ELSPBP1: variants seen among roughly 807,000 people sequenced by gnomAD.
ELSPBP1 encodes epididymal sperm-binding protein 1.
A neutral mutation model predicts 33.3 loss-of-function variants in ELSPBP1; 38 were observed. The observed-to-expected ratio is 1.14, with a 90% CI of 0.88 to 1.50. The LOEUF (loss-of-function observed/expected upper bound fraction) is 1.50, where lower values mean the gene tolerates loss of function less well. ELSPBP1 is among the 40% of genes most tolerant of loss of function. ELSPBP1 has a pLI of 0.00. For synonymous variants in ELSPBP1, 85 were observed against 94.1 expected (o/e 0.90, Z 0.56); for missense variants, 267 against 263.5 (o/e 1.01, Z -0.09).
At chr19:48,022,020 T>C (rs1967205753) in intron 5 of ELSPBP1, 150 bp from the exon 6 acceptor site, 1 of 679,912 alleles carries the variant, frequency 1.5e-6, no homozygotes, top group African/African-American at 1.8e-5. Context: ...TGAGCTGGGA[T>C]TAAATGCGCG....
chr19:47,997,209 A>G (rs1362194789), intron 1 of ELSPBP1, among the ~76,000 whole-genome samples: 1 of 152,232 alleles, frequency 6.6e-6, no homozygotes, highest in East Asian at 1.9e-4. Context: ...TGGTAAGTCA[A>G]TAACTACCTC....
chr19:47,997,861 T>C (rs1438114923), intron 1 of ELSPBP1, among the ~76,000 whole-genome samples: 4 of 152,246 alleles, frequency 2.6e-5, no homozygotes, highest in Non-Finnish European at 5.9e-5. Context: ...TTTAAAGACA[T>C]AAGTCACACA....
intron 3 of ELSPBP1, among the ~76,000 whole-genome samples, chr19:48,014,953 G>A (rs1049368569): frequency 3.3e-5 from 5 of 152,096 alleles, no homozygotes; most frequent in African/African-American, 7.2e-5. Flanking sequence ...AAAAGGAAAC[G>A]AAGTGTAAGA....
At chr19:48,024,304 T>A (rs1600115365) in intron 6 of ELSPBP1, among the ~76,000 whole-genome samples, 1 of 152,158 alleles carries the variant, frequency 6.6e-6, no homozygotes, top group African/African-American at 2.4e-5. Flanking sequence ...AAAGATGTTC[T>A]CCAGCCTGTA....
At chr19:48,001,862 A>C (rs903421769) in intron 1 of ELSPBP1, among the ~76,000 whole-genome samples, 2 of 150,086 alleles carry the variant, frequency 1.3e-5, no homozygotes, top group Non-Finnish European at 3.0e-5. Flanking sequence ...GTTTTTTTTT[A>C]ATTTTAAGAT....
intron 3 of ELSPBP1, 145 bp downstream of exon 3, chr19:48,014,453 T>G: frequency 1.3e-6 from 1 of 743,638 alleles, no homozygotes; most frequent in South Asian, 2.7e-5. Context: ...TGGGTTTTAA[T>G]GATCGCCATT....
At chr19:48,023,522 A>G (rs147140097) in intron 6 of ELSPBP1, among the ~76,000 whole-genome samples, 21 of 95,230 alleles carry the variant, frequency 2.2e-4, no homozygotes, top group Admixed American at 5.1e-4. Flanking sequence ...GAAATAAGGA[A>G]GGAAGGGAGG....
chr19:48,018,531 G>A (rs1003279554), intron 4 of ELSPBP1, among the ~76,000 whole-genome samples: 42 of 152,208 alleles, frequency 2.8e-4, no homozygotes, highest in Admixed American at 2.0e-3. Context: ...CTTTTAATAA[G>A]CATTTTCTAT....
rs538698100 is a variant in ELSPBP1 at position 47,994,952 on chromosome 19, A to G, written c.-18+141A>G. 4 of 152,348 alleles carry G rather than the reference A, an allele frequency of 2.6e-5. No homozygotes were observed. The South Asian group carries it at 8.3e-4, about 32-fold the overall frequency. The allele number at this position is 152,348 out of a possible 1,614,324, so 9.4% of individuals were successfully genotyped here. A position where few individuals can be genotyped will look rare whatever the true frequency, so the allele number is the denominator to read the frequency against. ...TAAATCATTGTAAGTTTTATAGCAG[A>G]AGCACTTTAAAAAACTAAGAAGAGT... On this transcript the variant is annotated intron_variant, in intron 1 of 6. Coordinates refer to ENST00000339841, the MANE Select transcript of ELSPBP1 (RefSeq NM_022142.5).
chr19:47,997,963 C>G (rs1966926798), intron 1 of ELSPBP1, among the ~76,000 whole-genome samples: 1 of 152,166 alleles, frequency 6.6e-6, no homozygotes. Flanking sequence ...TCTCACATGC[C>G]CGCTCAGGAA....
chr19:48,008,517 A>T, intron 1 of ELSPBP1, 134 bp from the exon 2 acceptor site: 1 of 633,468 alleles, frequency 1.6e-6, no homozygotes, highest in Non-Finnish European at 2.8e-6. Context: ...TACAGGTGTG[A>T]GCTACCATGC....
intron 1 of ELSPBP1, among the ~76,000 whole-genome samples, chr19:48,006,785 G>A (rs1967024911): frequency 6.6e-6 from 1 of 152,236 alleles, no homozygotes; most frequent in Non-Finnish European, 1.5e-5. Flanking sequence ...AAGAGAATGA[G>A]AGTCCTTCAC....
chr19:48,010,087 A>G (rs1397240039), intron 2 of ELSPBP1, among the ~76,000 whole-genome samples: 1 of 152,174 alleles, frequency 6.6e-6, no homozygotes, highest in Non-Finnish European at 1.5e-5. Context: ...CTTAACTGCA[A>G]GCAAGTCTGG....
chr19:48,003,107 C>T (rs139381824), intron 1 of ELSPBP1, among the ~76,000 whole-genome samples: 112 of 152,240 alleles, frequency 7.4e-4, no homozygotes, highest in Admixed American at 1.6e-3. Context: ...TGCCAGTGCC[C>T]AAAGCATAAC....
At chr19:48,001,457 C>A (rs1432901424) in intron 1 of ELSPBP1, among the ~76,000 whole-genome samples, 1 of 151,928 alleles carries the variant, frequency 6.6e-6, no homozygotes, top group Non-Finnish European at 1.5e-5. Context: ...CCCACCACCT[C>A]TCTTTTATAA....
intron 4 of ELSPBP1, 109 bp from the exon 5 acceptor site, chr19:48,019,610 T>C (rs1024037637): frequency 4.7e-6 from 5 of 1,061,230 alleles, no homozygotes; most frequent in African/African-American, 1.6e-5. Flanking sequence ...GAGAATCCAA[T>C]GTGACGTTGC....
At chr19:47,998,954 G>C (rs1966940072) in intron 1 of ELSPBP1, among the ~76,000 whole-genome samples, 1 of 152,166 alleles carries the variant, frequency 6.6e-6, no homozygotes, top group Non-Finnish European at 1.5e-5. Context: ...CACCCTAAGG[G>C]GAAAAATGAA....
At chr19:48,005,552 C>T (rs1437335787) in intron 1 of ELSPBP1, among the ~76,000 whole-genome samples, 2 of 152,102 alleles carry the variant, frequency 1.3e-5, no homozygotes, top group Non-Finnish European at 2.9e-5. Flanking sequence ...ATCTCAACAG[C>T]CAAAGCTTGG....
At position 47,994,695 on chromosome 19, in the gene ELSPBP1, C is replaced by T. The variant is rs1966897452; in HGVS notation, c.-134C>T. 6.6e-6 allele frequency: 1 copy of T among 152,314 alleles called. No homozygotes were observed. Among genetic ancestry groups the T allele is most frequent in the Non-Finnish European group, 1.5e-5 (1 of 68,150 alleles). The allele number at this position is 152,314 out of a possible 1,614,324, so 9.4% of individuals were successfully genotyped here. A position where few individuals can be genotyped will look rare whatever the true frequency, so the allele number is the denominator to read the frequency against. ...TTTGAGAAGCTGCCTTTGTGTCCTA[C>T]AGACAGGCTGGGGCCAAAGCCATTC... On this transcript the variant is annotated 5_prime_UTR_variant, in exon 1 of 7. It introduces an in-frame stop codon into an upstream open reading frame of the 5' UTR. Coordinates refer to ENST00000339841, the MANE Select transcript of ELSPBP1 (RefSeq NM_022142.5).
Sources: allele counts gnomAD v4.1 joint callset (sites outside exome capture counted in the v4.1 genomes callset), GRCh38; gene constraint gnomAD v4.1.1; transcripts MANE v1.5; gene names NCBI Gene and HGNC (gene_info 2026-07-23, HGNC 2026-07-21).